AXDND1: variants seen among roughly 807,000 people sequenced by gnomAD.
AXDND1 encodes the protein axonemal dynein light chain domain-containing protein 1.
AXDND1 carries 110 observed loss-of-function variants against 137.5 expected under a neutral mutation model. That is an observed-to-expected ratio of 0.80 (90% CI 0.69 to 0.94). The LOEUF (loss-of-function observed/expected upper bound fraction) is 0.94. Among genes scored for constraint, AXDND1 ranks in the 40% least tolerant of loss-of-function variants. The pLI, the probability that AXDND1 is intolerant of heterozygous loss-of-function variation, is 0.00. For synonymous variants in AXDND1, 414 were observed against 399.7 expected, an observed-to-expected ratio of 1.04 and a Z score of -0.43; for missense variants, 1,191 against 1,169.8, an observed-to-expected ratio of 1.02 and a Z score of -0.26.
intron 18 of AXDND1, among the ~76,000 whole-genome samples, chr1:179,485,692 G>T (rs2125551598): frequency 6.6e-6 from 1 of 152,150 alleles, no homozygotes; most frequent in South Asian, 2.1e-4. Context: ...TAACCAGGCT[G>T]ACATGACAGA....
chr1:179,372,481 TTAA>T (rs764563955), intron 4 of AXDND1, among the ~76,000 whole-genome samples: 42 of 152,326 alleles, frequency 2.8e-4, no homozygotes, highest in Admixed American at 2.3e-3. Context: ...ATGAACTCAG[TTAA>T]TAATCTGGGG....
At chr1:179,395,059 C>A in intron 10 of AXDND1, 39 bp from the exon 11 acceptor site, 1 of 1,553,468 alleles carries the variant, frequency 6.4e-7, no homozygotes, top group Non-Finnish European at 8.7e-7. Context: ...TTTTGGAAAT[C>A]TCCAAATATG....
At chr1:179,546,963 T>C (rs1572237138) in intron 25 of AXDND1, among the ~76,000 whole-genome samples, 1 of 152,234 alleles carries the variant, frequency 6.6e-6, no homozygotes, top group Non-Finnish European at 1.5e-5. Flanking sequence ...GACTGCACTT[T>C]CCTCTTGTCC....
At position 179,468,462 on chromosome 1, in the gene AXDND1, A is replaced by G. The variant is rs779259578; in HGVS notation, c.1818A>G (p.Pro606=). The G allele has an allele frequency of 2.5e-6, 4 of 1,608,844 alleles. No individual in the cohort carries two copies. The Admixed American group carries it at 5.1e-5, about 20-fold the overall frequency. ...NGDNGYSKIL[P]SLISSLDFCS... ...TTCTAGGTTACTCCAAAATTCTTCC[A>G]AGTTTGATTAGTTCTCTTGACTTCT... Residue 606 remains proline, a synonymous_variant, in exon 17 of 26, where the codon CCA becomes CCG. Coordinates refer to ENST00000367618, the MANE Select transcript of AXDND1 (RefSeq NM_144696.6).
At chr1:179,463,897 CT>C (rs1469959852) in intron 16 of AXDND1, among the ~76,000 whole-genome samples, 1 of 152,056 alleles carries the variant, frequency 6.6e-6, no homozygotes, top group Non-Finnish European at 1.5e-5. Context: ...CTCTTTTGAT[CT>C]TTGTTGGTTT....
intron 25 of AXDND1, among the ~76,000 whole-genome samples, chr1:179,547,868 T>C (rs7519700): frequency 0.25 from 38,205 of 152,036 alleles, 5,406 homozygotes; most frequent in East Asian, 0.42. Flanking sequence ...AATTCAGCTC[T>C]CATTTTCCAC....
intron 15 of AXDND1, among the ~76,000 whole-genome samples, chr1:179,436,602 A>G (rs1292535564): frequency 6.6e-6 from 1 of 152,194 alleles, no homozygotes; most frequent in Non-Finnish European, 1.5e-5. Context: ...AGAAAACAAA[A>G]CACTGCTTGT....
chr1:179,491,981 G>T (rs74825937), intron 19 of AXDND1, among the ~76,000 whole-genome samples: 4,576 of 152,184 alleles, frequency 0.03, 253 homozygotes, highest in African/African-American at 0.1. Context: ...TAGGAAAAAA[G>T]GACTCACTTT....
chr1:179,486,634 A>G (rs7544494), intron 18 of AXDND1, among the ~76,000 whole-genome samples: 73,746 of 148,056 alleles, frequency 0.5, 21,689 homozygotes, highest in East Asian at 0.76. Flanking sequence ...CAGACATGTC[A>G]GCAGAAATCC....
intron 23 of AXDND1, 151 bp downstream of exon 23, chr1:179,528,582 G>A (rs1233130829): frequency 1.4e-5 from 6 of 417,244 alleles, no homozygotes; most frequent in Non-Finnish European, 2.5e-5. Flanking sequence ...CATAATTCCT[G>A]GAAAACTCCT....
intron 17 of AXDND1, among the ~76,000 whole-genome samples, chr1:179,482,243 G>A (rs1427630684): frequency 6.6e-6 from 1 of 151,764 alleles, no homozygotes; most frequent in Non-Finnish European, 1.5e-5. Flanking sequence ...CTCCTTAGAG[G>A]GGAAAGTAGC....
intron 17 of AXDND1, among the ~76,000 whole-genome samples, chr1:179,472,187 G>A (rs149100343): frequency 2.3e-3 from 345 of 152,124 alleles, no homozygotes; most frequent in African/African-American, 7.3e-3. Context: ...GAGCCACTGC[G>A]CCCGGACTAT....
rs1316353479 is a variant in AXDND1, at chr1:179,502,674, C to T, written c.2389-6622C>T. On this transcript the variant is annotated intron_variant, in intron 20 of 25. Coordinates refer to ENST00000367618, the MANE Select transcript of AXDND1 (RefSeq NM_144696.6). ...CTGCTGGTAAGAATATAAATTTGTA[C>T]ATCCACTTTGGAAATCAGTTGACAT... 2.0e-5 allele frequency among the ~76,000 whole-genome samples: 3 copies of T among 150,762 alleles called. No individual in the cohort carries two copies. In the South Asian group the frequency reaches 6.3e-4, roughly 32 times the overall value.
At chr1:179,509,669 G>C (rs1668843604) in intron 21 of AXDND1, among the ~76,000 whole-genome samples, 1 of 152,124 alleles carries the variant, frequency 6.6e-6, no homozygotes, top group African/African-American at 2.4e-5. Flanking sequence ...GCCACTTCCT[G>C]AGGCATATCC....
At chr1:179,458,738 A>G (rs1280704045) in intron 16 of AXDND1, among the ~76,000 whole-genome samples, 1 of 152,074 alleles carries the variant, frequency 6.6e-6, no homozygotes, top group Non-Finnish European at 1.5e-5. Context: ...ATCCCTAGAA[A>G]AAAACTACAT....
At chr1:179,401,257 T>TAAAA (rs1651994096) in intron 11 of AXDND1, among the ~76,000 whole-genome samples, 1 of 20,776 alleles carries the variant, frequency 4.8e-5, no homozygotes, top group Non-Finnish European at 1.0e-4. Flanking sequence ...AAACTCCATC[T>TAAAA]CAAAAAAAAA....
intron 12 of AXDND1, among the ~76,000 whole-genome samples, chr1:179,418,745 T>C (rs550355769): frequency 6.8e-6 from 1 of 147,462 alleles, no homozygotes; most frequent in African/African-American, 2.5e-5. Context: ...CCGGACGGGG[T>C]GGCTGCCGGG....
intron 18 of AXDND1, among the ~76,000 whole-genome samples, chr1:179,490,822 A>G (rs1666800733): frequency 1.3e-5 from 2 of 151,344 alleles, no homozygotes; most frequent in South Asian, 4.2e-4. Context: ...ATATGATGTC[A>G]TCAAAATTAA....
intron 25 of AXDND1, chr1:179,551,171 T>C (rs1433332351): frequency 6.2e-7 from 1 of 1,613,990 alleles, no homozygotes; most frequent in Admixed American, 1.7e-5. Flanking sequence ...GCCCCATCCT[T>C]CCTATAACAT....
Sources: allele counts gnomAD v4.1 joint callset (sites outside exome capture counted in the v4.1 genomes callset), GRCh38; gene constraint gnomAD v4.1.1; transcripts MANE v1.5; gene names NCBI Gene and HGNC (gene_info 2026-07-23, HGNC 2026-07-21).